GRIA3: variants seen among roughly 807,000 people sequenced by gnomAD.
The protein encoded by GRIA3 is glutamate receptor 3.
In GRIA3, 3 loss-of-function variants were observed where a neutral mutation model predicts 63.0. The ratio of observed to expected loss-of-function variants is 0.05; its 90% CI spans 0.02 to 0.12. GRIA3 has a LOEUF of 0.12. Among genes scored for constraint, GRIA3 ranks in the 10% least tolerant of loss-of-function variants. The probability of loss-of-function intolerance (pLI) is 1.00; values close to 1 mark genes in which losing one functional copy is unlikely to be tolerated. For synonymous variants in GRIA3, 274 were observed against 257.9 expected (o/e 1.06, Z -0.60); for missense variants, 347 against 700.9 (o/e 0.50, Z 5.70).
chrX:123,389,688 T>TTTGTTGTTG (rs200693212), intron 5 of GRIA3, among the ~76,000 whole-genome samples: 3,194 of 106,842 alleles, frequency 0.03, 109 homozygotes, highest in African/African-American at 0.096. Context: ...TTCTTTTGTT[T>TTTGTTGTTG]TTGTTGTTGT....
intron 2 of GRIA3, among the ~76,000 whole-genome samples, chrX:123,200,711 A>G (rs1482282842): frequency 9.1e-6 from 1 of 109,885 alleles, no homozygotes; most frequent in African/African-American, 3.3e-5. Context: ...TTATACCTCA[A>G]CTTCCTCTAA....
intron 5 of GRIA3, among the ~76,000 whole-genome samples, chrX:123,379,302 T>C (rs901124180): frequency 9.0e-6 from 1 of 111,718 alleles, no homozygotes; most frequent in East Asian, 2.8e-4. Context: ...CAGGGATACA[T>C]GGCCTCAATA....
intron 13 of GRIA3, among the ~76,000 whole-genome samples, chrX:123,472,047 A>G (rs1298051628): frequency 1.3e-5 from 1 of 76,109 alleles, no homozygotes; most frequent in African/African-American, 4.8e-5. Flanking sequence ...CCTGTCTAAC[A>G]TCACTGCTGG....
rs766570455 is a variant in GRIA3 at position 123,219,032 on chromosome X, G to A, written c.268+33042G>A. 3.5e-3 allele frequency among the ~76,000 whole-genome samples: 397 copies of A among 111,860 alleles called. 2 individuals are homozygous for A. Among genetic ancestry groups the A allele is most frequent in the Admixed American group, 6.4e-3 (68 of 10,570 alleles). ...GGAGGAGATGGCACTTGTGTGTAACGGGGTGCTGCTTGACACACCTCCAGT... is the reference window on the plus strand; with the variant it reads ...GGAGGAGATGGCACTTGTGTGTAACAGGGTGCTGCTTGACACACCTCCAGT... On this transcript the variant is annotated intron_variant, in intron 2 of 15. Transcript: ENST00000620443.
intron 13 of GRIA3, among the ~76,000 whole-genome samples, chrX:123,472,297 G>T (rs866243900): frequency 6.5e-5 from 7 of 108,499 alleles, no homozygotes; most frequent in Middle Eastern, 4.8e-3. Context: ...TCAGGGGAAT[G>T]AGTTAAATGT....
chrX:123,364,849 G>A (rs908095153), intron 5 of GRIA3, among the ~76,000 whole-genome samples: 2 of 112,705 alleles, frequency 1.8e-5, no homozygotes, highest in Non-Finnish European at 1.9e-5. Flanking sequence ...TATGTCAAGT[G>A]AAATAAGCCA....
chrX:123,211,633 AC>A (rs1200874432), intron 2 of GRIA3, among the ~76,000 whole-genome samples: 5 of 111,796 alleles, frequency 4.5e-5, no homozygotes, highest in African/African-American at 3.3e-5. Flanking sequence ...TGGAACATAA[AC>A]ATGTCAGTGT....
At chrX:123,189,689 C>T (rs1310211305) in intron 2 of GRIA3, among the ~76,000 whole-genome samples, 1 of 112,547 alleles carries the variant, frequency 8.9e-6, no homozygotes, top group Non-Finnish European at 1.9e-5. Flanking sequence ...GGTTATTCAC[C>T]ACGGAATTGT....
At chrX:123,193,962 A>C (rs1927507633) in intron 2 of GRIA3, among the ~76,000 whole-genome samples, 1 of 111,302 alleles carries the variant, frequency 9.0e-6, no homozygotes, top group African/African-American at 3.3e-5. Flanking sequence ...TAGACTCTTG[A>C]GGATAAGGAA....
intron 5 of GRIA3, among the ~76,000 whole-genome samples, chrX:123,364,428 A>T (rs1167916490): frequency 8.9e-6 from 1 of 112,366 alleles, no homozygotes; most frequent in Non-Finnish European, 1.9e-5. Flanking sequence ...ATACAGGGAC[A>T]AATTTGATAT....
intron 13 of GRIA3, among the ~76,000 whole-genome samples, chrX:123,467,972 A>G (rs1329052069): frequency 8.9e-6 from 1 of 112,369 alleles, no homozygotes. Flanking sequence ...ATATGCAAAT[A>G]GAAAAATATT....
chrX:123,428,087 C>T lies in GRIA3; in HGVS notation c.2024C>T (p.Thr675Ile). Residue 675 changes from threonine to isoleucine, a missense_variant, in exon 12 of 16, where the codon ACT (threonine) becomes ATT (isoleucine). Transcript: ENST00000620443. ...AGTGCTGAAGACTTAGCTAAACAGA[C>T]TGAAATTGCATATGGGACCCTGGAC... ...IESAEDLAKQ[T>I]EIAYGTLDSG... is the part of the protein sequence containing the mutation. 8.3e-7 allele frequency: 1 copy of T among 1,206,086 alleles called. No homozygotes were observed. The highest frequency in any genetic ancestry group is 3.0e-5 in the East Asian group (1 of 33,801).
chrX:123,488,407 C>A (rs1186907593), intron 15 of GRIA3, among the ~76,000 whole-genome samples: 4 of 112,436 alleles, frequency 3.6e-5, no homozygotes, highest in African/African-American at 6.5e-5. Flanking sequence ...AGAATACACT[C>A]TTTTAGTTCT....
At chrX:123,376,989 C>T (rs1010675414) in intron 5 of GRIA3, among the ~76,000 whole-genome samples, 45 of 96,038 alleles carry the variant, frequency 4.7e-4, no homozygotes, top group Non-Finnish European at 8.3e-4. Flanking sequence ...GGCTGGAGTG[C>T]AATGGCGCTA....
intron 10 of GRIA3, among the ~76,000 whole-genome samples, chrX:123,416,960 G>T (rs748539159): frequency 8.9e-6 from 1 of 112,483 alleles, no homozygotes; most frequent in East Asian, 2.8e-4. Context: ...TCATGGTGTA[G>T]AGTGAAGCAG....
chrX:123,300,622 T>TTTTGTTTG (rs57768786), intron 3 of GRIA3, among the ~76,000 whole-genome samples: 124 of 106,705 alleles, frequency 1.2e-3, no homozygotes, highest in African/African-American at 2.6e-3. Context: ...TTTAATGGTT[T>TTTTGTTTG]TTTGTTTGTT....
chrX:123,238,541 C>A (rs1023445299), intron 2 of GRIA3, among the ~76,000 whole-genome samples: 4 of 111,557 alleles, frequency 3.6e-5, no homozygotes, highest in Non-Finnish European at 7.5e-5. Flanking sequence ...ATTTAAAACC[C>A]AAAACATATG....
At chrX:123,302,538 C>T (rs1031587184) in intron 3 of GRIA3, among the ~76,000 whole-genome samples, 32 of 111,470 alleles carry the variant, frequency 2.9e-4, no homozygotes, top group African/African-American at 1.0e-3. Flanking sequence ...CAAAATATGC[C>T]TCTCTCTGGA....
intron 3 of GRIA3, among the ~76,000 whole-genome samples, chrX:123,317,673 C>T (rs747829563): frequency 8.9e-6 from 1 of 112,046 alleles, no homozygotes; most frequent in African/African-American, 3.2e-5. Flanking sequence ...CAGCTCCACC[C>T]CTGTGGCTTT....
Sources: allele counts gnomAD v4.1 joint callset (sites outside exome capture counted in the v4.1 genomes callset), GRCh38; gene constraint gnomAD v4.1.1; transcripts MANE v1.5; gene names NCBI Gene and HGNC (gene_info 2026-07-23, HGNC 2026-07-21).